Variants in ERI1 observed in about 807,000 individuals in gnomAD.
ERI1 encodes the protein exoribonuclease 1, also known as 3'-5' exoribonuclease 1.
ERI1 carries 39 observed loss-of-function variants against 39.7 expected under a neutral mutation model. The ratio of observed to expected loss-of-function variants is 0.98; its 90% CI spans 0.76 to 1.28. The LOEUF (loss-of-function observed/expected upper bound fraction) is 1.28. ERI1 is among the 50% of genes most tolerant of loss of function. The pLI, the probability that ERI1 is intolerant of heterozygous loss-of-function variation, is 0.00. For synonymous variants in ERI1, 204 were observed against 149.6 expected (o/e 1.36, Z -2.65); for missense variants, 581 against 416.9 (o/e 1.39, Z -3.43).
At position 9,020,378 on chromosome 8, in the gene ERI1, A is replaced by G; in HGVS notation, c.721A>G (p.Ile241Val). ...GSWDMSKFLN[I>V]QCQLSRLKYP... ...TTGGGATATGAGTAAGTTCTTGAACATTCAGTGTCAACTCAGCAGGCTCAA... is the reference window on the plus strand; with the variant it reads ...TTGGGATATGAGTAAGTTCTTGAACGTTCAGTGTCAACTCAGCAGGCTCAA... Residue 241 changes from isoleucine to valine, a missense_variant, in exon 6 of 7, where the codon ATT (isoleucine) becomes GTT (valine). Ile to Val is a conservative substitution (Grantham distance 29). Transcript: ENST00000250263. The G allele has an allele frequency of 6.3e-7, 1 of 1,598,870 alleles. No homozygotes were observed. The highest frequency in any genetic ancestry group is 8.5e-7 in the Non-Finnish European group (1 of 1,174,304).
chr8:9,057,589 C>G (rs902831825), intron 3 of ERI1, among the ~76,000 whole-genome samples: 2 of 152,122 alleles, frequency 1.3e-5, no homozygotes, highest in African/African-American at 2.4e-5. Context: ...CCTTTATGAG[C>G]CAGACACTAT....
chr8:9,020,955 A>G (rs985027362), intron 6 of ERI1, among the ~76,000 whole-genome samples: 1 of 151,896 alleles, frequency 6.6e-6, no homozygotes, highest in African/African-American at 2.4e-5. Flanking sequence ...TTACCTTTGT[A>G]TTTCTAAGTT....
At chr8:9,080,781 A>C (rs1246046538) in intron 3 of ERI1, among the ~76,000 whole-genome samples, 1 of 152,174 alleles carries the variant, frequency 6.6e-6, no homozygotes, top group East Asian at 1.9e-4. Flanking sequence ...TGCAGGAACA[A>C]GCATTTAGTG....
chr8:9,020,088 G>T (rs542431974), intron 5 of ERI1, among the ~76,000 whole-genome samples: 1 of 152,116 alleles, frequency 6.6e-6, no homozygotes, highest in Non-Finnish European at 1.5e-5. Flanking sequence ...ATAGAAGCCT[G>T]CCCAGAACCA....
At chr8:9,021,020 C>G (rs1467586458) in intron 6 of ERI1, among the ~76,000 whole-genome samples, 4 of 152,070 alleles carry the variant, frequency 2.6e-5, no homozygotes, top group Non-Finnish European at 2.9e-5. Flanking sequence ...AATTCCTGCC[C>G]TGAAAGATCA....
At chr8:9,005,850 A>C (rs892102626) in intron 1 of ERI1, among the ~76,000 whole-genome samples, 1 of 152,224 alleles carries the variant, frequency 6.6e-6, no homozygotes, top group Non-Finnish European at 1.5e-5. Flanking sequence ...TTTGGTATAG[A>C]AGATTTTCAT....
chr8:9,030,127 A>G lies in ERI1; in HGVS notation c.*93A>G. On this transcript the variant is annotated 3_prime_UTR_variant, in exon 7 of 7. Coordinates refer to ENST00000250263, the MANE Select transcript of ERI1 (RefSeq NM_153332.4). Reference sequence around the variant, plus strand: ...AATTAGTCCTGTAGTGCAAACTTTAAGCACCTTAAAACATTTAAAATCTTA... The same window carrying G: ...AATTAGTCCTGTAGTGCAAACTTTAGGCACCTTAAAACATTTAAAATCTTA... 2 of 1,496,168 alleles carry G rather than the reference A, an allele frequency of 1.3e-6. No individual in the cohort carries two copies. Among genetic ancestry groups the G allele is most frequent in the South Asian group, 1.2e-5 (1 of 82,288 alleles). The allele number at this position is 1,496,168 out of a possible 1,614,324, so 92.7% of individuals were successfully genotyped here.
intron 3 of ERI1, among the ~76,000 whole-genome samples, chr8:9,051,766 C>G (rs916229167): frequency 3.9e-5 from 6 of 152,042 alleles, no homozygotes; most frequent in Non-Finnish European, 8.8e-5. Context: ...TGTAAGTGTC[C>G]TATGTAGTTA....
intron 3 of ERI1, among the ~76,000 whole-genome samples, chr8:9,041,658 C>G (rs1329335853): frequency 1.3e-5 from 2 of 152,184 alleles, no homozygotes; most frequent in Non-Finnish European, 2.9e-5. Context: ...ACACAGTGTA[C>G]CAAAACCTAT....
chr8:9,043,861 G>T (rs202085346), intron 3 of ERI1, among the ~76,000 whole-genome samples: 3 of 152,278 alleles, frequency 2.0e-5, no homozygotes, highest in East Asian at 3.9e-4. Context: ...ATTCAACAAA[G>T]AAATATTTAC....
intron 3 of ERI1, among the ~76,000 whole-genome samples, chr8:9,056,208 G>A (rs931225902): frequency 2.0e-5 from 3 of 152,234 alleles, no homozygotes; most frequent in African/African-American, 7.2e-5. Context: ...CGCTGGAAGT[G>A]GAAGACACTG....
At chr8:9,024,748 G>A (rs749712342) in intron 6 of ERI1, among the ~76,000 whole-genome samples, 4 of 152,128 alleles carry the variant, frequency 2.6e-5, no homozygotes, top group Non-Finnish European at 5.9e-5. Flanking sequence ...ATAGGCCTAT[G>A]TATATGCATT....
intron 3 of ERI1, among the ~76,000 whole-genome samples, chr8:9,084,319 A>G (rs1490899622): frequency 6.6e-6 from 1 of 152,084 alleles, no homozygotes. Context: ...TTCCAACTAC[A>G]TTATTTTGAA....
chr8:9,002,986 G>A lies in ERI1; in HGVS notation c.-78G>A, dbSNP rs1191118966. 2 of 1,027,488 alleles carry A rather than the reference G, an allele frequency of 1.9e-6. No homozygotes were observed. The highest frequency in any genetic ancestry group is 2.5e-6 in the Non-Finnish European group (2 of 794,990). The allele number at this position is 1,027,488 out of a possible 1,614,324, so 63.6% of individuals were successfully genotyped here. On this transcript the variant is annotated 5_prime_UTR_variant, in exon 1 of 7. Transcript: ENST00000250263. ...CCCGGTAATTTTTCAACGGAGAAAG[G>A]CGAGGCTTTCGGGCTCTGCAGAGTG... is the stretch of plus-strand genomic sequence containing the variant.
In ERI1 at chr8:9,003,118, C is replaced by T. The variant is rs1815545438; in HGVS notation, c.55C>T (p.Leu19=). The T allele has an allele frequency of 2.5e-5, 31 of 1,246,286 alleles. No individual in the cohort carries two copies. The highest frequency in any genetic ancestry group is 3.0e-5 in the Non-Finnish European group (30 of 990,378). The allele number at this position is 1,246,286 out of a possible 1,614,324, so 77.2% of individuals were successfully genotyped here. The change falls in exon 1 of 7, where the codon CTG becomes TTG. Residue 19 remains leucine, a synonymous_variant. Coordinates refer to ENST00000250263, the MANE Select transcript of ERI1 (RefSeq NM_153332.4). ...CGGCGAGGCCGTGGCTCTCGCGCTGCTGGAGTCGCCGCGGCCGGAGGGCGG... is the reference window on the plus strand; with the variant it reads ...CGGCGAGGCCGTGGCTCTCGCGCTGTTGGAGTCGCCGCGGCCGGAGGGCGG... The part of the protein sequence containing the change: ...PAGEAVALAL[L]ESPRPEGGEE...
Position 9,012,641 on chromosome 8 carries a change from A to G in ERI1, c.498+889A>G, listed in dbSNP as rs970557743. 3.3e-5 allele frequency among the ~76,000 whole-genome samples: 5 copies of G among 152,232 alleles called. No homozygotes were observed. In the East Asian group the frequency reaches 9.6e-4, roughly 29 times the overall value. ...CTATGAAGGCAAATAATCTTGCATA[A>G]GTCACTAGATTTTACTTCTCTCTTA... On this transcript the variant is annotated intron_variant, in intron 3 of 6. Transcript: ENST00000250263.
chr8:9,041,439 C>G lies in ERI1; in HGVS notation n.299+20975C>G, dbSNP rs73524263. 5.5e-3 allele frequency among the ~76,000 whole-genome samples: 830 copies of G among 152,210 alleles called. 8 individuals carry two copies. The highest frequency in any genetic ancestry group is 0.019 in the African/African-American group (781 of 41,518). On this transcript the variant is annotated intron_variant and non_coding_transcript_variant, in intron 3 of 3. Transcript: ENST00000518663. The stretch of plus-strand genomic sequence containing the variant: ...CCAGGGTTGACCATAGGTTAGGACA[C>G]AAAACAAGTCTCAAGAGCTTTTAAA...
intron 1 of ERI1, 150 bp from the exon 2 acceptor site, chr8:9,007,820 C>T (rs1020691688): frequency 2.4e-5 from 28 of 1,186,066 alleles, no homozygotes; most frequent in Middle Eastern, 3.0e-4. Flanking sequence ...TCCTTTCCTC[C>T]GTTTAGGAGC....
At chr8:9,017,138 C>G (rs1018006831) in intron 4 of ERI1, among the ~76,000 whole-genome samples, 3 of 152,182 alleles carry the variant, frequency 2.0e-5, no homozygotes, top group African/African-American at 7.2e-5. Flanking sequence ...CTCCCAGGTT[C>G]AAGCGATTCT....
Sources: gnomAD v4.1 joint callset for allele counts (sites outside exome capture counted in the v4.1 genomes callset) on GRCh38, gnomAD v4.1.1 for gene constraint, MANE v1.5 for transcripts, NCBI Gene and HGNC (gene_info 2026-07-23, HGNC 2026-07-21) for gene names.